Variants in CELF4 observed in about 807,000 individuals in gnomAD.
CELF4 encodes the protein CUGBP Elav-like family member 4, also known as CUG-BP- and ETR-3-like factor 4.
Under a neutral mutation model 59.9 loss-of-function variants are expected in CELF4, and 18 were observed. The observed-to-expected ratio is 0.30, with a 90% confidence interval of 0.21 to 0.45. The LOEUF (loss-of-function observed/expected upper bound fraction) is 0.45. Ranked by LOEUF, CELF4 falls within the 20% of genes least tolerant of loss-of-function variation. CELF4 has a pLI of 1.00. For missense variants in CELF4, 456 were observed against 689.0 expected, an observed-to-expected ratio of 0.66 and a Z score of 3.79; for synonymous variants, 261 against 267.1, an observed-to-expected ratio of 0.98 and a Z score of 0.22.
intron 2 of CELF4, among the ~76,000 whole-genome samples, chr18:37,344,311 C>T (rs181014611): frequency 6.6e-6 from 1 of 152,300 alleles, no homozygotes; most frequent in Admixed American, 6.5e-5. Context: ...GCAAGCAACC[C>T]GTGAAACACA....
At chr18:37,285,910 C>T (rs1235918597) in intron 3 of CELF4, among the ~76,000 whole-genome samples, 2 of 152,122 alleles carry the variant, frequency 1.3e-5, no homozygotes, top group Admixed American at 1.3e-4. Flanking sequence ...TTTTCGCAGC[C>T]GAACTCTGTT....
chr18:37,273,576 T>G, intron 6 of CELF4: 2 of 993,724 alleles, frequency 2.0e-6, no homozygotes, highest in Non-Finnish European at 2.4e-6. Context: ...TTGGAGTCTG[T>G]TGGTAGAAGT....
intron 2 of CELF4, among the ~76,000 whole-genome samples, chr18:37,328,369 G>A (rs1314463706): frequency 2.6e-5 from 4 of 152,192 alleles, no homozygotes; most frequent in Non-Finnish European, 2.9e-5. Flanking sequence ...GCTGGCAGCC[G>A]AGGTGACTGG....
At chr18:37,511,246 C>T (rs764220252) in intron 1 of CELF4, among the ~76,000 whole-genome samples, 2 of 152,216 alleles carry the variant, frequency 1.3e-5, no homozygotes, top group Non-Finnish European at 2.9e-5. Context: ...CAGCTGCCCT[C>T]CACAGGCAGG....
chr18:37,543,544 T>G (rs959299566), intron 1 of CELF4, among the ~76,000 whole-genome samples: 2 of 152,108 alleles, frequency 1.3e-5, no homozygotes, highest in Non-Finnish European at 2.9e-5. Context: ...GCTCCTCACA[T>G]GATGTGCAGC....
At chr18:37,297,139 G>A (rs924020968) in intron 3 of CELF4, among the ~76,000 whole-genome samples, 2 of 152,176 alleles carry the variant, frequency 1.3e-5, no homozygotes, top group African/African-American at 4.8e-5. Context: ...GCCACTGGAA[G>A]GGGTGGAATG....
At chr18:37,339,498 A>C (rs1038403052) in intron 2 of CELF4, among the ~76,000 whole-genome samples, 2 of 152,218 alleles carry the variant, frequency 1.3e-5, no homozygotes, top group African/African-American at 4.8e-5. Flanking sequence ...TCATGTCTGC[A>C]ATCCCAGCAC....
chr18:37,513,593 T>A (rs143507887), intron 1 of CELF4, among the ~76,000 whole-genome samples: 3 of 152,190 alleles, frequency 2.0e-5, no homozygotes, highest in Non-Finnish European at 4.4e-5. Flanking sequence ...AGGGCCTCTT[T>A]AGTCTGCACC....
intron 5 of CELF4, 166 bp downstream of exon 5, chr18:37,274,639 G>T (rs2092685964): frequency 6.7e-7 from 1 of 1,497,246 alleles, no homozygotes; most frequent in African/African-American, 1.4e-5. Context: ...GTAACCTCAG[G>T]CCAGTTCCTT....
At chr18:37,248,118 G>A (rs1046381657) in intron 12 of CELF4, among the ~76,000 whole-genome samples, 6 of 152,076 alleles carry the variant, frequency 3.9e-5, no homozygotes, top group Non-Finnish European at 8.8e-5. Context: ...CACCATCCTA[G>A]AGAAGGCTGC....
At chr18:37,282,190 C>T (rs2094224293) in intron 3 of CELF4, among the ~76,000 whole-genome samples, 2 of 152,110 alleles carry the variant, frequency 1.3e-5, no homozygotes, top group African/African-American at 4.8e-5. Context: ...GGAACCCCAG[C>T]TGGCAGGAGG....
At chr18:37,279,879 G>A (rs9945645) in intron 3 of CELF4, among the ~76,000 whole-genome samples, 2,195 of 152,326 alleles carry the variant, frequency 0.014, 53 homozygotes, top group African/African-American at 0.05. Flanking sequence ...GCCCATAGCT[G>A]GAGCCTAGAC....
intron 3 of CELF4, among the ~76,000 whole-genome samples, chr18:37,290,819 TC>T (rs2095286659): frequency 6.6e-6 from 1 of 152,214 alleles, no homozygotes; most frequent in South Asian, 2.1e-4. Context: ...AGCTGTGTCT[TC>T]CCCTCTTCTC....
At position 37,253,601 on chromosome 18, in the gene CELF4, G is replaced by A. The variant is rs907549717; in HGVS notation, c.*44+166C>T. 1.3e-5 allele frequency among the ~76,000 whole-genome samples: 2 copies of A among 152,162 alleles called. No homozygotes were observed. Among genetic ancestry groups the A allele is most frequent in the East Asian group, 1.9e-4 (1 of 5,158 alleles). On this transcript the variant is annotated intron_variant, in intron 12 of 12. Coordinates refer to ENST00000420428, the MANE Select transcript of CELF4 (RefSeq NM_020180.4). The surrounding 1 kb of genome is among the most constrained non-coding windows in gnomAD (Gnocchi z 4.5). ...CCAGGCCCATTTCTGCCGGGGTGAC[G>A]GCAGCTCTGCGCCTGGCCCGAGGAG...
intron 2 of CELF4, among the ~76,000 whole-genome samples, chr18:37,477,386 A>C (rs1181955353): frequency 6.6e-6 from 1 of 152,208 alleles, no homozygotes; most frequent in African/African-American, 2.4e-5. Flanking sequence ...GACATGGAAA[A>C]AGAGGAGCTT....
rs565667028 is a variant in CELF4 at position 37,430,895 on chromosome 18, T to C, written c.369+54630A>G. ...TCACTTGGTCTGGAGGTGGCGCTGG[T>C]GCTTTTTATAGCTGTAGGTGTCTCT... On this transcript the variant is annotated intron_variant, in intron 2 of 12. Coordinates refer to ENST00000420428, the MANE Select transcript of CELF4 (RefSeq NM_020180.4). 3.5e-3 allele frequency among the ~76,000 whole-genome samples: 540 copies of C among 152,318 alleles called. 2 individuals carry two copies. The highest frequency in any genetic ancestry group is 0.012 in the African/African-American group (517 of 41,566).
chr18:37,485,586 C>A lies in CELF4; in HGVS notation c.308G>T (p.Cys103Phe). The change falls in exon 2 of 13, where the codon TGC (cysteine) becomes TTC (phenylalanine). Residue 103 changes from cysteine (C) to phenylalanine (F), a missense_variant. Transcript: ENST00000420428. The stretch of plus-strand genomic sequence containing the variant: ...GGCCTTCAGCGCTGACTCACGCTCG[C>A]AGTAGGTGAGGAAGGCGCAGCCTGG... ...MHKGCAFLTY[C>F]ERESALKAQS... 1 of 1,457,798 alleles carries A rather than the reference C, an allele frequency of 6.9e-7. No homozygotes were observed. The allele number at this position is 1,457,798 out of a possible 1,614,324, so 90.3% of individuals were successfully genotyped here.
chr18:37,521,075 G>A (rs151090310), intron 1 of CELF4, among the ~76,000 whole-genome samples: 2 of 151,652 alleles, frequency 1.3e-5, no homozygotes, highest in African/African-American at 4.8e-5. Flanking sequence ...GGAGGGTATC[G>A]GGGGTTGGGG....
intron 2 of CELF4, among the ~76,000 whole-genome samples, chr18:37,428,910 T>C (rs1201448136): frequency 1.3e-5 from 2 of 152,190 alleles, no homozygotes; most frequent in African/African-American, 4.8e-5. Context: ...ACACAGCAAG[T>C]GCTTGCTGAA....
Sources: allele counts gnomAD v4.1 joint callset (sites outside exome capture counted in the v4.1 genomes callset), GRCh38; gene constraint gnomAD v4.1.1; non-coding constraint Gnocchi (gnomAD v3.1); transcripts MANE v1.5; gene names NCBI Gene and HGNC (gene_info 2026-07-23, HGNC 2026-07-21).